ADARB2: variants seen among roughly 807,000 people sequenced by gnomAD.
The protein encoded by ADARB2 is inactive double-stranded RNA-specific editase B2.
In ADARB2, 25 loss-of-function variants were observed where a neutral mutation model predicts 62.2. That is an observed-to-expected ratio of 0.40 (90% CI 0.29 to 0.56). ADARB2 has a LOEUF of 0.56. ADARB2 is among the 20% of genes least tolerant of loss of function. ADARB2 has a pLI of 0.43. For missense variants in ADARB2, 1,071 were observed against 1,077.4 expected (o/e 0.99, Z 0.08); for synonymous variants, 572 against 500.8 (o/e 1.14, Z -1.90).
At chr10:1,210,894 C>G (rs1214223371) in intron 7 of ADARB2, among the ~76,000 whole-genome samples, 2 of 152,146 alleles carry the variant, frequency 1.3e-5, no homozygotes, top group African/African-American at 4.8e-5. Context: ...CTCAGTGGAG[C>G]CATCATAGCC....
intron 1 of ADARB2, among the ~76,000 whole-genome samples, chr10:1,714,135 C>T (rs1190757635): frequency 1.3e-5 from 2 of 152,254 alleles, no homozygotes; most frequent in Non-Finnish European, 2.9e-5. Flanking sequence ...ATGGACATTT[C>T]AGCAGTTTCT....
At chr10:1,194,663 G>A (rs1429503571) in intron 8 of ADARB2, among the ~76,000 whole-genome samples, 1 of 152,096 alleles carries the variant, frequency 6.6e-6, no homozygotes. Flanking sequence ...CTCATGTGCT[G>A]TGTTTATTTG....
intron 1 of ADARB2, among the ~76,000 whole-genome samples, chr10:1,411,809 C>T (rs577569816): frequency 2.4e-4 from 36 of 152,354 alleles, no homozygotes; most frequent in Admixed American, 5.2e-4. Context: ...TGCCCCTCAG[C>T]GCTTGATAAA....
At chr10:1,480,197 G>A (rs1030512395) in intron 1 of ADARB2, among the ~76,000 whole-genome samples, 2 of 152,062 alleles carry the variant, frequency 1.3e-5, no homozygotes, top group African/African-American at 4.8e-5. Flanking sequence ...AGAGCAATTA[G>A]GCAAGATGAA....
At position 1,200,060 on chromosome 10, in the gene ADARB2, G is replaced by T. The variant is rs575402947; in HGVS notation, c.1770C>A (p.His590Gln). The change falls in exon 8 of 10, where the codon CAC (histidine) becomes CAA (glutamine). Residue 590 changes from histidine to glutamine, a missense_variant. Coordinates refer to ENST00000381312, the MANE Select transcript of ADARB2 (RefSeq NM_018702.4). ...TGACGCGTGCGAGGTGGCCCGTGTGGTGCAGGCTGCCCACCACGATGCTCT... is the reference window on the plus strand; with the variant it reads ...TGACGCGTGCGAGGTGGCCCGTGTGTTGCAGGCTGCCCACCACGATGCTCT... The part of the protein sequence containing the change: ...YLQSIVVGSL[H>Q]HTGHLARVMS... The T allele has an allele frequency of 6.3e-6, 10 of 1,590,458 alleles. No individual in the cohort carries two copies. In the South Asian group the frequency reaches 9.1e-5, roughly 15 times the overall value.
At chr10:1,448,813 C>T (rs1179232054) in intron 1 of ADARB2, among the ~76,000 whole-genome samples, 1 of 152,078 alleles carries the variant, frequency 6.6e-6, no homozygotes, top group Non-Finnish European at 1.5e-5. Flanking sequence ...GACTGTAATA[C>T]TAACTTTAAA....
rs1418798405 is a variant in ADARB2 at position 1,542,822 on chromosome 10, AG to A, written c.101-163663del. On this transcript the variant is annotated intron_variant, in intron 1 of 9. Coordinates refer to ENST00000381312, the MANE Select transcript of ADARB2 (RefSeq NM_018702.4). ...AGCCGCCCAGACCCCACTCAGACGC[AG>A]TTCAGACCCTGGATCACAGCCGCCC... Among the ~76,000 whole-genome samples, 31 of 124,368 alleles carry A rather than the reference AG, an allele frequency of 2.5e-4. 1 individual carries two copies. The highest frequency in any genetic ancestry group is 8.0e-4 in the African/African-American group (27 of 33,582). 81.6% of individuals were successfully genotyped at this position (124,368 alleles called of 152,430 possible).
chr10:1,694,581 G>A (rs949755752), intron 1 of ADARB2, among the ~76,000 whole-genome samples: 1 of 152,130 alleles, frequency 6.6e-6, no homozygotes, highest in Non-Finnish European at 1.5e-5. Flanking sequence ...CCCATTCAGG[G>A]GAATGGTGGG....
In ADARB2 at chr10:1,709,778, C is replaced by A. The variant is rs575424584; in HGVS notation, c.100+27273G>T. 1.4e-3 allele frequency among the ~76,000 whole-genome samples: 215 copies of A among 152,260 alleles called. 1 individual carries two copies. Among genetic ancestry groups the A allele is most frequent in the African/African-American group, 5.1e-3 (213 of 41,550 alleles). On this transcript the variant is annotated intron_variant, in intron 1 of 9. Transcript: ENST00000381312. ...GGAAGCCCTTGGCACGTCAACACAC[C>A]CCTCTCCTTCCCTTACCTCAACCAG...
chr10:1,296,048 G>A (rs1831520024), intron 3 of ADARB2, among the ~76,000 whole-genome samples: 1 of 152,222 alleles, frequency 6.6e-6, no homozygotes, highest in Admixed American at 6.5e-5. Flanking sequence ...CCCGCTCCAT[G>A]TGCAACTCCC....
chr10:1,576,424 T>C (rs1247089337), intron 1 of ADARB2, among the ~76,000 whole-genome samples: 1 of 151,980 alleles, frequency 6.6e-6, no homozygotes, highest in African/African-American at 2.4e-5. Flanking sequence ...CTGGAGGGGC[T>C]CAGGGGCCAT....
intron 4 of ADARB2, among the ~76,000 whole-genome samples, chr10:1,254,416 A>G (rs1030388143): frequency 6.6e-6 from 1 of 152,238 alleles, no homozygotes; most frequent in African/African-American, 2.4e-5. Flanking sequence ...CTCTCTGCAT[A>G]AAAGATGTCA....
intron 7 of ADARB2, 78 bp downstream of exon 7, chr10:1,216,873 T>C: frequency 6.5e-7 from 1 of 1,540,630 alleles, no homozygotes. Context: ...TCACCAGAAG[T>C]GGGATGCAGG....
At chr10:1,641,279 A>G in intron 1 of ADARB2, among the ~76,000 whole-genome samples, 1 of 152,222 alleles carries the variant, frequency 6.6e-6, no homozygotes, top group East Asian at 1.9e-4. Context: ...AAAAGCTGAT[A>G]AGCTCCAATC....
chr10:1,655,492 C>T (rs1252290403), intron 1 of ADARB2, among the ~76,000 whole-genome samples: 3 of 152,216 alleles, frequency 2.0e-5, no homozygotes, highest in Admixed American at 6.5e-5. Flanking sequence ...ACCTAATTTG[C>T]TATTGATTAA....
chr10:1,486,958 A>C (rs1356912397), intron 1 of ADARB2, among the ~76,000 whole-genome samples: 1 of 152,238 alleles, frequency 6.6e-6, no homozygotes, highest in Non-Finnish European at 1.5e-5. Flanking sequence ...CTCTGTTCTA[A>C]GTCTCCCACT....
At chr10:1,219,072 G>T (rs567153550) in intron 6 of ADARB2, among the ~76,000 whole-genome samples, 2 of 136,600 alleles carry the variant, frequency 1.5e-5, no homozygotes, top group Non-Finnish European at 3.2e-5. Flanking sequence ...AAAAAAAAGA[G>T]TGTGTGGCAT....
intron 1 of ADARB2, among the ~76,000 whole-genome samples, chr10:1,486,204 G>A (rs1831541119): frequency 7.0e-6 from 1 of 143,072 alleles, no homozygotes; most frequent in Non-Finnish European, 1.5e-5. Flanking sequence ...GTATGTGTGT[G>A]GACGCCTGTG....
intron 1 of ADARB2, among the ~76,000 whole-genome samples, chr10:1,492,026 AT>A (rs1407307811): frequency 2.0e-5 from 3 of 152,228 alleles, no homozygotes; most frequent in African/African-American, 7.2e-5. Context: ...TTTTTGTGAT[AT>A]AAGCATCACT....
Sources: gnomAD v4.1 joint callset for allele counts (sites outside exome capture counted in the v4.1 genomes callset) on GRCh38, gnomAD v4.1.1 for gene constraint, MANE v1.5 for transcripts, NCBI Gene and HGNC (gene_info 2026-07-23, HGNC 2026-07-21) for gene names.